FBLN2: variants seen among roughly 807,000 people sequenced by gnomAD.
FBLN2 encodes the protein fibulin 2.
A neutral mutation model predicts 123.7 loss-of-function variants in FBLN2; 81 were observed. The ratio of observed to expected loss-of-function variants is 0.65; its 90% CI spans 0.55 to 0.79. The LOEUF (loss-of-function observed/expected upper bound fraction) is 0.79, where lower values mean the gene tolerates loss of function less well. Among genes scored for constraint, FBLN2 ranks in the 30% least tolerant of loss-of-function variants. FBLN2 has a pLI of 0.00. For missense variants in FBLN2, 1,603 were observed against 1,681.3 expected (o/e 0.95, Z 0.81); for synonymous variants, 699 against 701.4 (o/e 1.00, Z 0.05).
rs752544907 is a variant in FBLN2, at chr3:13,619,725, T to G, written c.2054-5T>G. The G allele has an allele frequency of 2.6e-5, 42 of 1,612,628 alleles. No homozygotes were observed. The highest frequency in any genetic ancestry group is 3.6e-5 in the Non-Finnish European group (42 of 1,179,118). On this transcript the variant is annotated splice_polypyrimidine_tract_variant and splice_region_variant and intron_variant, in intron 7 of 17. Transcript: ENST00000404922. ...GGTCTCTGATTTCTGTGTGGTTTCCTCCAGACAATGGACCCTGCAAGCAGG... is the reference window on the plus strand; with the variant it reads ...GGTCTCTGATTTCTGTGTGGTTTCCGCCAGACAATGGACCCTGCAAGCAGG...
chr3:13,608,269 G>A, intron 3 of FBLN2, 96 bp downstream of exon 3: 1 of 828,788 alleles, frequency 1.2e-6, no homozygotes, highest in South Asian at 1.6e-5. Flanking sequence ...CCCGGAGAGA[G>A]TGCACCTTCA....
At chr3:13,566,693 C>A (rs747894820) in intron 1 of FBLN2, among the ~76,000 whole-genome samples, 14 of 152,310 alleles carry the variant, frequency 9.2e-5, no homozygotes, top group East Asian at 5.8e-4. Flanking sequence ...GGGGCCCAGA[C>A]GACTTGGGGA....
chr3:13,613,816 C>A, intron 4 of FBLN2, 168 bp from the exon 5 acceptor site: 1 of 640,410 alleles, frequency 1.6e-6, no homozygotes, highest in Non-Finnish European at 2.6e-6. Flanking sequence ...CCTACCTGTG[C>A]CAGACTTGGG....
intron 15 of FBLN2, among the ~76,000 whole-genome samples, chr3:13,631,037 G>A (rs1197804233): frequency 6.6e-6 from 1 of 152,210 alleles, no homozygotes; most frequent in East Asian, 1.9e-4. Flanking sequence ...GAATGGTCCT[G>A]ACTTCAGGGG....
chr3:13,581,345 A>T (rs1022879494), intron 2 of FBLN2, among the ~76,000 whole-genome samples: 4 of 152,086 alleles, frequency 2.6e-5, no homozygotes, highest in African/African-American at 9.7e-5. Flanking sequence ...AAACCAATGC[A>T]AAGTCCTTTC....
At chr3:13,619,313 C>G (rs777935359) in intron 7 of FBLN2, among the ~76,000 whole-genome samples, 1 of 152,176 alleles carries the variant, frequency 6.6e-6, no homozygotes, top group Admixed American at 6.5e-5. Flanking sequence ...CCTGGTTTGC[C>G]GACCTGTTGT....
chr3:13,550,367 C>T (rs1340950100), intron 1 of FBLN2, among the ~76,000 whole-genome samples: 1 of 152,248 alleles, frequency 6.6e-6, no homozygotes, highest in Admixed American at 6.5e-5. Flanking sequence ...GGTGCCCTCC[C>T]TCCCTTTTTT....
intron 2 of FBLN2, among the ~76,000 whole-genome samples, chr3:13,598,819 C>G (rs577444471): frequency 2.3e-4 from 35 of 152,234 alleles, no homozygotes; most frequent in Middle Eastern, 6.8e-3. Flanking sequence ...ACATCATGGT[C>G]GAAGGACATG....
chr3:13,620,341 G>A (rs1410514561), intron 8 of FBLN2, among the ~76,000 whole-genome samples: 1 of 152,196 alleles, frequency 6.6e-6, no homozygotes, highest in Non-Finnish European at 1.5e-5. Flanking sequence ...CCTGGGTGGA[G>A]AGGGGGAAGG....
At chr3:13,636,342 A>G in intron 16 of FBLN2, 103 bp from the exon 17 acceptor site, 3 of 1,427,906 alleles carry the variant, frequency 2.1e-6, no homozygotes, top group Non-Finnish European at 2.8e-6. Flanking sequence ...CTATTCTCAC[A>G]GGTCCGGCTG....
chr3:13,614,090 G>T lies in FBLN2; in HGVS notation c.1655G>T (p.Cys552Phe). ...CCCTGCAATCATGTCATGCTCTCCT[G>T]CTGTGAGGGTGAAGAGCCTCTCATA... ...GYPCNHVMLS[C>F]CEGEEPLIVP... Residue 552 changes from cysteine to phenylalanine, a missense_variant, in exon 5 of 18, where the codon TGC becomes TTC. Cys to Phe is a radical substitution (Grantham distance 205, BLOSUM62 -2). Transcript: ENST00000404922. 1 of 1,613,710 alleles carries T rather than the reference G, an allele frequency of 6.2e-7. No individual in the cohort carries two copies. The highest frequency in any genetic ancestry group is 8.5e-7 in the Non-Finnish European group (1 of 1,179,876).
At position 13,636,468 on chromosome 3, in the gene FBLN2, A is replaced by G. The variant is rs1255821147; in HGVS notation, c.3238A>G (p.Thr1080Ala). 1.9e-6 allele frequency: 3 copies of G among 1,613,032 alleles called. No individual in the cohort carries two copies. The highest frequency in any genetic ancestry group is 2.5e-6 in the Non-Finnish European group (3 of 1,179,548). The stretch of plus-strand genomic sequence containing the variant: ...AGACGTGGATGAGTGTGCACTGGGT[A>G]CCCACAACTGTTCCGAGGCTGAGAC... ...CKDVDECALGTHNCSEAETCH... is the reference protein window; with the variant it reads ...CKDVDECALGAHNCSEAETCH... The change falls in exon 17 of 18, where the codon ACC (threonine) becomes GCC (alanine). Residue 1080 changes from threonine to alanine, a missense_variant. Physicochemically the swap from Thr to Ala is moderately conservative, Grantham distance 58 (BLOSUM62 0). Coordinates refer to ENST00000404922, the MANE Select transcript of FBLN2 (RefSeq NM_001004019.2).
chr3:13,633,430 G>A (rs141264990), intron 16 of FBLN2, among the ~76,000 whole-genome samples: 73 of 152,392 alleles, frequency 4.8e-4, no homozygotes, highest in South Asian at 1.2e-3. Context: ...TGCCGCCCTC[G>A]CTTGCTCTCC....
chr3:13,565,861 A>T (rs976109708), intron 1 of FBLN2, among the ~76,000 whole-genome samples: 3 of 152,200 alleles, frequency 2.0e-5, no homozygotes, highest in African/African-American at 7.2e-5. Context: ...CATGGAGTGC[A>T]TGTGCTGAAT....
chr3:13,609,928 G>A (rs1705334771), intron 4 of FBLN2, among the ~76,000 whole-genome samples: 1 of 152,238 alleles, frequency 6.6e-6, no homozygotes, highest in South Asian at 2.1e-4. Flanking sequence ...CCCTCCCAGG[G>A]ATTTCTTTCT....
rs748044420 is a variant in FBLN2, at chr3:13,637,788, G to A, written c.3565G>A (p.Val1189Ile). Residue 1189 changes from valine to isoleucine, a missense_variant, in exon 18 of 18, where the codon GTC becomes ATC. Transcript: ENST00000404922. ...TRRLNAYTGV[V>I]YLQRAVLEPR... ...CAGGCTCAATGCCTACACGGGTGTG[G>A]TCTACCTGCAGCGGGCCGTGCTGGA... 68 of 1,613,942 alleles carry A rather than the reference G, an allele frequency of 4.2e-5. No individual in the cohort carries two copies. In the East Asian group the frequency reaches 1.5e-3, roughly 35 times the overall value.
rs972987822 is a variant in FBLN2, at chr3:13,607,002, C to A, written c.1307-1060C>A. 1.3e-5 allele frequency among the ~76,000 whole-genome samples: 2 copies of A among 149,812 alleles called. 1 individual carries two copies. The highest frequency in any genetic ancestry group is 4.0e-4 in the East Asian group (2 of 4,970). ...GTTGTTGTTTGTTTGTTTGTTTTTT[C>A]CCCGGGACGGAGTCTTGCTCTGTCA... On this transcript the variant is annotated intron_variant, in intron 2 of 17. Transcript: ENST00000404922.
intron 2 of FBLN2, among the ~76,000 whole-genome samples, chr3:13,590,986 G>A (rs1025694979): frequency 1.3e-5 from 2 of 152,202 alleles, no homozygotes; most frequent in African/African-American, 4.8e-5. Flanking sequence ...CTGCCAAATG[G>A]TTTTCCAAAG....
At chr3:13,571,729 G>A in intron 2 of FBLN2, 68 bp downstream of exon 2, 1 of 1,455,494 alleles carries the variant, frequency 6.9e-7, no homozygotes, top group Admixed American at 2.6e-5. Flanking sequence ...TCTGGCCGCT[G>A]CCCCAGGTCT....
Sources: allele counts gnomAD v4.1 joint callset (sites outside exome capture counted in the v4.1 genomes callset), GRCh38; gene constraint gnomAD v4.1.1; transcripts MANE v1.5; gene names NCBI Gene and HGNC (gene_info 2026-07-23, HGNC 2026-07-21).